Variants in ZFYVE28 observed in about 807,000 individuals in gnomAD.
ZFYVE28 encodes the protein zinc finger FYVE-type containing 28, also known as lateral signaling target protein 2 homolog.
A neutral mutation model predicts 82.1 loss-of-function variants in ZFYVE28; 40 were observed. The ratio of observed to expected loss-of-function variants is 0.49; its 90% confidence interval spans 0.38 to 0.63. The LOEUF (loss-of-function observed/expected upper bound fraction) is 0.63. ZFYVE28 is among the 30% of genes least tolerant of loss of function. The pLI is 0.00. For missense variants in ZFYVE28, 1,321 were observed against 1,242.1 expected, an observed-to-expected ratio of 1.06 and a Z score of -0.96; for synonymous variants, 612 against 546.1, an observed-to-expected ratio of 1.12 and a Z score of -1.68.
At chr4:2,329,483 G>T (rs574888154) in intron 6 of ZFYVE28, among the ~76,000 whole-genome samples, 1 of 152,250 alleles carries the variant, frequency 6.6e-6, no homozygotes, top group African/African-American at 2.4e-5. Context: ...GGGGAAACTT[G>T]AAAACATTAT....
At chr4:2,360,389 TCACACACACACACACACACACA>T (rs10545681) in intron 1 of ZFYVE28, among the ~76,000 whole-genome samples, 6 of 143,290 alleles carry the variant, frequency 4.2e-5, no homozygotes, top group Non-Finnish European at 7.6e-5. Context: ...AGAGCTGTAA[TCACACACACACACACACACACA>T]CACACACACA....
At chr4:2,377,082 C>G (rs182642383) in intron 1 of ZFYVE28, among the ~76,000 whole-genome samples, 1 of 151,030 alleles carries the variant, frequency 6.6e-6, no homozygotes, top group Non-Finnish European at 1.5e-5. Flanking sequence ...AGTGCAGTGG[C>G]GCGATCTTGG....
chr4:2,364,357 G>A (rs144843528), intron 1 of ZFYVE28: 15,724 of 808,362 alleles, frequency 0.019, 198 homozygotes, highest in Middle Eastern at 0.025. Flanking sequence ...GGTGTTGTGG[G>A]GCCAGCCAGG....
intron 8 of ZFYVE28, among the ~76,000 whole-genome samples, chr4:2,275,805 G>A (rs1736375082): frequency 6.6e-6 from 1 of 152,270 alleles, no homozygotes; most frequent in East Asian, 1.9e-4. Context: ...GCATACACTG[G>A]AAACGCGCAT....
intron 1 of ZFYVE28, chr4:2,364,673 C>G (rs1726625855): frequency 1.0e-6 from 1 of 985,400 alleles, no homozygotes; most frequent in African/African-American, 1.7e-5. Context: ...ACCCGCTTAG[C>G]CTGGACAAGC....
chr4:2,306,159 A>C (rs934729634), intron 7 of ZFYVE28, among the ~76,000 whole-genome samples: 6 of 152,264 alleles, frequency 3.9e-5, no homozygotes, highest in Admixed American at 2.6e-4. Context: ...TGGAGGAAGA[A>C]GCATTGAGGC....
At chr4:2,360,022 G>A (rs945040448) in intron 1 of ZFYVE28, among the ~76,000 whole-genome samples, 16 of 152,084 alleles carry the variant, frequency 1.1e-4, no homozygotes, top group Admixed American at 3.3e-4. Flanking sequence ...ACAAGCGCAC[G>A]GCGTCTACAA....
chr4:2,292,280 G>C (rs1319380621), intron 8 of ZFYVE28, among the ~76,000 whole-genome samples: 1 of 150,926 alleles, frequency 6.6e-6, no homozygotes, highest in Non-Finnish European at 1.5e-5. Flanking sequence ...GTGAGACCCA[G>C]CTGGCAAAGC....
Position 2,270,850 on chromosome 4 carries a change from A to G in ZFYVE28, c.2539T>C (p.Cys847Arg). Residue 847 changes from cysteine (C) to arginine (R), a missense_variant, in exon 13 of 13, where the codon TGC (cysteine) becomes CGC (arginine). Physicochemically the swap from Cys to Arg is radical, Grantham distance 180. This residue lies in a region of ZFYVE28 where 978 missense variants were observed against 833.7 expected (regional missense o/e 1.17). Transcript: ENST00000290974. ...HHCRSCGKIF[C>R]SRCSSHSAPL... Reference sequence around the variant, plus strand: ...GCTGAGTGCGAGGAGCAGCGCGAGCAGAAGATCTGGAATGGGGTTGGGGCA... The same window carrying G: ...GCTGAGTGCGAGGAGCAGCGCGAGCGGAAGATCTGGAATGGGGTTGGGGCA... 6.2e-7 allele frequency: 1 copy of G among 1,612,806 alleles called. No individual in the cohort carries two copies. The highest frequency in any genetic ancestry group is 8.5e-7 in the Non-Finnish European group (1 of 1,179,910).
chr4:2,352,046 C>T (rs1177961147), intron 2 of ZFYVE28, among the ~76,000 whole-genome samples: 6 of 152,164 alleles, frequency 3.9e-5, no homozygotes, highest in East Asian at 1.9e-4. Context: ...GCTGGACCAG[C>T]GGAACTTGCA....
intron 8 of ZFYVE28, among the ~76,000 whole-genome samples, chr4:2,276,777 G>A (rs1736493945): frequency 6.6e-6 from 1 of 152,072 alleles, no homozygotes; most frequent in Non-Finnish European, 1.5e-5. Flanking sequence ...ACAGATGGAA[G>A]GTAGAACGGT....
At chr4:2,297,944 G>A (rs547038103) in intron 8 of ZFYVE28, among the ~76,000 whole-genome samples, 8 of 146,656 alleles carry the variant, frequency 5.5e-5, no homozygotes, top group South Asian at 2.2e-4. Context: ...AGCAGAGGAC[G>A]AGCAGTGACA....
intron 1 of ZFYVE28, among the ~76,000 whole-genome samples, chr4:2,379,719 AT>A (rs1728527284): frequency 1.3e-5 from 2 of 152,034 alleles, no homozygotes; most frequent in African/African-American, 4.8e-5. Context: ...CATCTATCAA[AT>A]TTTTCTACAA....
At chr4:2,343,071 T>C (rs1723043127) in intron 2 of ZFYVE28, 1 of 152,254 alleles carries the variant, frequency 6.6e-6, no homozygotes. Flanking sequence ...TGGACCGTCC[T>C]GTTAACTCAC....
intron 10 of ZFYVE28, among the ~76,000 whole-genome samples, 159 bp from the exon 11 acceptor site, chr4:2,271,938 C>T (rs112824257): frequency 0.062 from 9,446 of 152,222 alleles, 883 homozygotes; most frequent in African/African-American, 0.2. Flanking sequence ...GCAGGTTGGG[C>T]GCCGATCCTG....
chr4:2,392,137 G>C (rs1051726071), intron 1 of ZFYVE28, among the ~76,000 whole-genome samples: 1 of 150,346 alleles, frequency 6.7e-6, no homozygotes, highest in Non-Finnish European at 1.5e-5. Context: ...CTGGGCGACA[G>C]AGCAAGACTC....
At chr4:2,384,835 T>G (rs1729086313) in intron 1 of ZFYVE28, among the ~76,000 whole-genome samples, 1 of 152,162 alleles carries the variant, frequency 6.6e-6, no homozygotes, top group African/African-American at 2.4e-5. Flanking sequence ...TGCCCAAGCT[T>G]CAGCCCACTC....
chr4:2,305,104 G>C lies in ZFYVE28; in HGVS notation c.1236C>G (p.Ala412=), dbSNP rs1026776549. 1 of 1,601,192 alleles carries C rather than the reference G, an allele frequency of 6.2e-7. No homozygotes were observed. The highest frequency in any genetic ancestry group is 1.1e-5 in the South Asian group (1 of 89,244). The part of the protein sequence containing the change: ...FMDDVEGTAE[A]LARPESPAGP... ...CAGCTGGGGACTCGGGCCTGGCCAG[G>C]GCTTCTGCCGTCCCCTCCACGTCAT... Residue 412 remains alanine (A), a synonymous_variant, in exon 8 of 13, where the codon GCC becomes GCG. Transcript: ENST00000290974.
chr4:2,337,316 GT>G, intron 5 of ZFYVE28, 90 bp downstream of exon 5: 1 of 1,145,814 alleles, frequency 8.7e-7, no homozygotes, highest in Non-Finnish European at 1.2e-6. Context: ...GACACAGCAG[GT>G]TCCCCCAGAG....
Sources: allele counts gnomAD v4.1 joint callset (sites outside exome capture counted in the v4.1 genomes callset), GRCh38; gene constraint gnomAD v4.1.1; regional missense constraint gnomAD v4.1.1; transcripts MANE v1.5; gene names NCBI Gene and HGNC (gene_info 2026-07-23, HGNC 2026-07-21).